The following FGF14 variants were observed in gnomAD, a reference collection of about 807,000 sequenced individuals.
FGF14 encodes the protein fibroblast growth factor homologous factor 4.
Under a neutral mutation model 25.5 loss-of-function variants are expected in FGF14, and 5 were observed. The ratio of observed to expected loss-of-function variants is 0.20; its 90% confidence interval spans 0.10 to 0.41. The LOEUF (loss-of-function observed/expected upper bound fraction) is 0.41. FGF14 is among the 10% of genes least tolerant of loss of function. The pLI, the probability that FGF14 is intolerant of heterozygous loss-of-function variation, is 1.00. For synonymous variants in FGF14, 138 were observed against 118.3 expected (o/e 1.17, Z -1.08); for missense variants, 222 against 320.1 (o/e 0.69, Z 2.34).
Position 102,341,108 on chromosome 13 carries a change from G to T in FGF14, c.208+60363C>A, listed in dbSNP as rs139866884. 1.9e-3 allele frequency among the ~76,000 whole-genome samples: 283 copies of T among 152,122 alleles called. 1 individual carries two copies. Among genetic ancestry groups the T allele is most frequent in the African/African-American group, 6.5e-3 (270 of 41,516 alleles). On this transcript the variant is annotated intron_variant, in intron 1 of 4. Transcript: ENST00000376131. ...AGGGCAAAATTAACAAAAGTAAAAG[G>T]GGGGAAAAAAGACTCCCCTAGCCTG...
chr13:101,983,311 A>G (rs1392575663), intron 1 of FGF14, among the ~76,000 whole-genome samples: 1 of 152,194 alleles, frequency 6.6e-6, no homozygotes, highest in Non-Finnish European at 1.5e-5. Flanking sequence ...CAGAATTATA[A>G]AGGGGTCCAA....
chr13:101,715,879 G>T lies in FGF14; in HGVS notation c.*6952C>A, dbSNP rs2034699639. 2.3e-6 allele frequency: 1 copy of T among 428,750 alleles called. No homozygotes were observed. Among genetic ancestry groups the T allele is most frequent in the Non-Finnish European group, 4.2e-6 (1 of 237,492 alleles). 26.6% of individuals were successfully genotyped at this position (428,750 alleles called of 1,614,324 possible). On this transcript the variant is annotated 3_prime_UTR_variant, in exon 5 of 5. Coordinates refer to ENST00000376143, the MANE Select transcript of FGF14 (RefSeq NM_004115.4). ...AAAGATTCTTCCATAATTAACATAA[G>T]TGGTTCCTAACGAGAGCAATTTTTC...
chr13:102,317,380 A>C (rs531691194), intron 1 of FGF14, among the ~76,000 whole-genome samples: 3 of 152,258 alleles, frequency 2.0e-5, no homozygotes, highest in African/African-American at 7.2e-5. Flanking sequence ...AAAGATCCCC[A>C]AAAACAAGAG....
intron 3 of FGF14, among the ~76,000 whole-genome samples, chr13:101,815,994 G>C (rs1323642675): frequency 7.8e-6 from 1 of 128,580 alleles, no homozygotes; most frequent in African/African-American, 2.9e-5. Flanking sequence ...TGGCTTGGCC[G>C]GGCGCGGTGG....
At chr13:102,087,670 C>T (rs530332973) in intron 1 of FGF14, among the ~76,000 whole-genome samples, 2 of 150,068 alleles carry the variant, frequency 1.3e-5, no homozygotes, top group East Asian at 4.0e-4. Flanking sequence ...GTGATCTATC[C>T]ACCTCGGCCT....
chr13:101,812,608 A>C (rs1430996050), intron 3 of FGF14, among the ~76,000 whole-genome samples: 1 of 68,560 alleles, frequency 1.5e-5, no homozygotes, highest in Non-Finnish European at 2.7e-5. Context: ...TATATTTTTA[A>C]AACTATATAT....
intron 1 of FGF14, among the ~76,000 whole-genome samples, chr13:102,318,971 C>T (rs1430681965): frequency 5.3e-5 from 8 of 152,114 alleles, no homozygotes; most frequent in Non-Finnish European, 1.0e-4. Context: ...CTTGGGGTGT[C>T]GTGATTTTCA....
chr13:102,103,044 CAG>C (rs888315981), intron 1 of FGF14, among the ~76,000 whole-genome samples: 4 of 152,044 alleles, frequency 2.6e-5, no homozygotes, highest in Non-Finnish European at 5.9e-5. Context: ...TCCATTTTTT[CAG>C]AAATGACATT....
chr13:101,832,124 G>GGA (rs1566953027), intron 3 of FGF14, among the ~76,000 whole-genome samples: 1 of 152,042 alleles, frequency 6.6e-6, no homozygotes, highest in African/African-American at 2.4e-5. Flanking sequence ...AAAGGCAGAG[G>GGA]GAGATCCGAT....
intron 3 of FGF14, among the ~76,000 whole-genome samples, chr13:101,766,926 C>T (rs2038442463): frequency 6.6e-6 from 1 of 152,050 alleles, no homozygotes; most frequent in African/African-American, 2.4e-5. Flanking sequence ...TCAGAAGGCA[C>T]CCACTATAAA....
At chr13:102,363,847 AG>A (rs759943977) in intron 1 of FGF14, among the ~76,000 whole-genome samples, 2 of 152,150 alleles carry the variant, frequency 1.3e-5, no homozygotes, top group African/African-American at 4.8e-5. Flanking sequence ...TTTAACAGGG[AG>A]GTATTTCCAT....
intron 1 of FGF14, among the ~76,000 whole-genome samples, chr13:102,100,716 C>T (rs2044621712): frequency 6.6e-6 from 1 of 152,200 alleles, no homozygotes; most frequent in African/African-American, 2.4e-5. Context: ...TACTGGATAC[C>T]TTACACACAT....
chr13:102,015,826 G>T (rs2040310966), intron 1 of FGF14, among the ~76,000 whole-genome samples: 2 of 152,112 alleles, frequency 1.3e-5, no homozygotes, highest in Admixed American at 1.3e-4. Flanking sequence ...GACACAATAT[G>T]CATTTCTCTC....
intron 3 of FGF14, among the ~76,000 whole-genome samples, chr13:101,821,244 G>A (rs1036916763): frequency 1.3e-5 from 2 of 152,116 alleles, no homozygotes; most frequent in African/African-American, 2.4e-5. Context: ...CACTGCGCCC[G>A]GCCCAAATTT....
At position 102,187,649 on chromosome 13, in the gene FGF14, C is replaced by T. The variant is rs560019877; in HGVS notation, c.208+213822G>A. Among the ~76,000 whole-genome samples, 8 of 152,196 alleles carry T rather than the reference C, an allele frequency of 5.3e-5. No homozygotes were observed. The South Asian group carries it at 1.7e-3, about 32-fold the overall frequency. On this transcript the variant is annotated intron_variant, in intron 1 of 4. Transcript: ENST00000376131. ...CCCTGTCCTTGCTGTTCTTAAGTAC[C>T]ACGCACATTTGAGGACAGACAAAAC...
intron 1 of FGF14, among the ~76,000 whole-genome samples, chr13:102,399,453 C>T (rs1281066241): frequency 1.3e-5 from 2 of 152,224 alleles, no homozygotes; most frequent in African/African-American, 2.4e-5. Context: ...GTAAAGCAGT[C>T]ACCCCTGCCC....
chr13:101,880,021 C>T (rs1208640860), intron 1 of FGF14, among the ~76,000 whole-genome samples: 1 of 152,108 alleles, frequency 6.6e-6, no homozygotes, highest in Non-Finnish European at 1.5e-5. Context: ...GGAAAATTTG[C>T]TATCTTTGTT....
intron 3 of FGF14, among the ~76,000 whole-genome samples, chr13:101,865,352 C>T (rs2044646376): frequency 6.6e-6 from 1 of 152,050 alleles, no homozygotes; most frequent in Non-Finnish European, 1.5e-5. Context: ...CATTTTTGTT[C>T]ATAAACATCA....
At chr13:102,103,463 C>T (rs1194940940) in intron 1 of FGF14, among the ~76,000 whole-genome samples, 1 of 35,146 alleles carries the variant, frequency 2.8e-5, no homozygotes, top group African/African-American at 2.0e-4. Context: ...GAACTGAGCC[C>T]CTGATTTTTT....
Sources: gnomAD v4.1 joint callset for allele counts (sites outside exome capture counted in the v4.1 genomes callset) on GRCh38, gnomAD v4.1.1 for gene constraint, MANE v1.5 for transcripts, NCBI Gene and HGNC (gene_info 2026-07-23, HGNC 2026-07-21) for gene names.